The following ZNF469 variants were observed in gnomAD, a reference collection of about 807,000 sequenced individuals.
ZNF469 encodes zinc finger protein 469.
Under a neutral mutation model 1.0 loss-of-function variants are expected in ZNF469, and 1 was observed. The observed-to-expected ratio is 1.00, with a 90% confidence interval of 0.35 to 4.73. ZNF469 has a LOEUF of 4.73. Among genes scored for constraint, ZNF469 ranks in the 30% most tolerant of loss-of-function variants. ZNF469 has a pLI of 0.16. For missense variants in ZNF469, 6,100 were observed against 5,356.3 expected (o/e 1.14, Z -4.33); for synonymous variants, 2,703 against 2,363.4 (o/e 1.14, Z -4.17).
chr16:88,438,050 T>C lies in ZNF469; in HGVS notation c.10580T>C (p.Leu3527Pro), dbSNP rs995538579. Reference protein sequence around the residue: ...PSTTKGWPETLERPVDPVTHP... With the variant: ...PSTTKGWPETPERPVDPVTHP... Reference sequence around the variant, plus strand: ...ACCACCAAGGGATGGCCCGAGACCCTAGAGAGGCCTGTAGACCCCGTGACC... The same window carrying C: ...ACCACCAAGGGATGGCCCGAGACCCCAGAGAGGCCTGTAGACCCCGTGACC... The change falls in exon 3 of 3, where the codon CTA becomes CCA. Residue 3527 changes from leucine to proline, a missense_variant. Leu to Pro is a moderately conservative substitution (Grantham distance 98). Transcript: ENST00000565624. 11 of 1,550,224 alleles carry C rather than the reference T, an allele frequency of 7.1e-6. No homozygotes were observed. The Admixed American group carries it at 2.0e-4, about 28-fold the overall frequency.
the ZNF469 span, among the ~76,000 whole-genome samples, chr16:88,158,042 G>C: frequency 6.6e-6 from 1 of 152,072 alleles, no homozygotes; most frequent in Admixed American, 6.5e-5. Context: ...CTGCTGCGGG[G>C]ATGCTCCGGG....
chr16:88,374,761 A>C, the ZNF469 span, among the ~76,000 whole-genome samples: 2 of 108,882 alleles, frequency 1.8e-5, no homozygotes, highest in Admixed American at 8.2e-5. Flanking sequence ...GTGGGCTGAG[A>C]TCGGCGCCGT....
the ZNF469 span, among the ~76,000 whole-genome samples, chr16:88,170,803 T>C: frequency 3.9e-5 from 6 of 152,220 alleles, no homozygotes; most frequent in African/African-American, 1.4e-4. The surrounding 1 kb of genome is among the most constrained non-coding windows in gnomAD (Gnocchi z 4.2). Context: ...CAGGATCATA[T>C]GGTGGTTTTA....
chr16:88,159,893 G>T, the ZNF469 span, among the ~76,000 whole-genome samples: 4 of 152,282 alleles, frequency 2.6e-5, no homozygotes, highest in Admixed American at 2.6e-4. Context: ...GTCAGCACAG[G>T]CTCAGGGGAG....
At chr16:88,196,561 G>T in the ZNF469 span, among the ~76,000 whole-genome samples, 1 of 152,186 alleles carries the variant, frequency 6.6e-6, no homozygotes, top group African/African-American at 2.4e-5. Context: ...ACTCCATTGA[G>T]TTTGGTGGAG....
chr16:88,218,461 T>C, the ZNF469 span, among the ~76,000 whole-genome samples: 1 of 152,048 alleles, frequency 6.6e-6, no homozygotes, highest in African/African-American at 2.4e-5. Flanking sequence ...ATCCCATTTG[T>C]CAATTTTGTC....
At position 88,428,141 on chromosome 16, in the gene ZNF469, A is replaced by T; in HGVS notation, c.671A>T (p.Tyr224Phe). The T allele has an allele frequency of 1.3e-6, 2 of 1,549,974 alleles. No individual in the cohort carries two copies. Among genetic ancestry groups the T allele is most frequent in the South Asian group, 2.4e-5 (2 of 84,044 alleles). ...ACCAGCCCCCTCCAGCCCGGTTCCT[A>T]TCCCGAATACCAGGCCAGTGGGGCC... The part of the protein sequence containing the change: ...RGTSPLQPGS[Y>F]PEYQASGADS... Residue 224 changes from tyrosine (Y) to phenylalanine (F), a missense_variant, in exon 3 of 3, where the codon TAT becomes TTT. Tyr to Phe is a conservative substitution (Grantham distance 22). Transcript: ENST00000565624.
chr16:88,352,936 G>A, the ZNF469 span, among the ~76,000 whole-genome samples: 1 of 152,184 alleles, frequency 6.6e-6, no homozygotes, highest in Non-Finnish European at 1.5e-5. Context: ...GGAGGTGGGG[G>A]CAGAGAGCCA....
upstream of ZNF469, among the ~76,000 whole-genome samples, chr16:88,382,598 C>T (rs1363829869): frequency 6.6e-6 from 1 of 152,236 alleles, no homozygotes; most frequent in Non-Finnish European, 1.5e-5. Flanking sequence ...GGGACATCCC[C>T]CACCTCCTAG....
At chr16:88,145,358 G>A in the ZNF469 span, among the ~76,000 whole-genome samples, 1 of 152,240 alleles carries the variant, frequency 6.6e-6, no homozygotes, top group Non-Finnish European at 1.5e-5. Flanking sequence ...TGCTATCTCT[G>A]CTCCCCCCAC....
chr16:88,249,476 A>G, the ZNF469 span, among the ~76,000 whole-genome samples: 1 of 112,726 alleles, frequency 8.9e-6, no homozygotes, highest in Non-Finnish European at 1.6e-5. Flanking sequence ...TTGCTCTGTC[A>G]GCCAGGCTGG....
chr16:88,224,634 C>A, the ZNF469 span, among the ~76,000 whole-genome samples: 4 of 152,218 alleles, frequency 2.6e-5, no homozygotes, highest in Non-Finnish European at 5.9e-5. Context: ...GGCGTCTGGG[C>A]TGCACCTCAA....
At chr16:88,125,915 G>A in the ZNF469 span, among the ~76,000 whole-genome samples, 3 of 152,082 alleles carry the variant, frequency 2.0e-5, no homozygotes, top group Admixed American at 6.5e-5. Context: ...CCGGTTGGGC[G>A]CAGTGGCTCA....
At chr16:88,415,847 C>T (rs938966318) in intron 1 of ZNF469, among the ~76,000 whole-genome samples, 1 of 152,202 alleles carries the variant, frequency 6.6e-6, no homozygotes, top group Admixed American at 6.5e-5. Flanking sequence ...GCCTGGAAGG[C>T]CACACCCGGC....
rs990570386 is a variant in ZNF469, at chr16:88,424,472, C to G, written c.-191-335C>G. Among the ~76,000 whole-genome samples, 7 of 152,160 alleles carry G rather than the reference C, an allele frequency of 4.6e-5. No homozygotes were observed. Among genetic ancestry groups the G allele is most frequent in the African/African-American group, 1.7e-4 (7 of 41,420 alleles). On this transcript the variant is annotated intron_variant, in intron 1 of 2. Coordinates refer to ENST00000565624, the MANE Select transcript of ZNF469 (RefSeq NM_001367624.2). The surrounding 1 kb of genome is among the most constrained non-coding windows in gnomAD (Gnocchi z 4.3). ...GGGAGGGGCAGCGTTCTCACTGCAA[C>G]TCGTAATAATCTGGAGCTTCGGAGC...
chr16:88,312,438 CCT>C, the ZNF469 span, among the ~76,000 whole-genome samples: 5 of 152,148 alleles, frequency 3.3e-5, no homozygotes, highest in Non-Finnish European at 5.9e-5. Context: ...TCTTTAATCC[CCT>C]GTTTCTGATA....
the ZNF469 span, among the ~76,000 whole-genome samples, chr16:88,284,159 G>A: frequency 1.3e-5 from 2 of 151,874 alleles, no homozygotes; most frequent in Non-Finnish European, 2.9e-5. Context: ...GAGGTCTGCG[G>A]AGGCTGGTAG....
chr16:88,375,669 G>A, the ZNF469 span, among the ~76,000 whole-genome samples: 1 of 152,156 alleles, frequency 6.6e-6, no homozygotes, highest in East Asian at 1.9e-4. Context: ...AGTGTTCCTG[G>A]GTGCCGGGCG....
the ZNF469 span, among the ~76,000 whole-genome samples, chr16:88,135,197 CTG>C: frequency 6.6e-6 from 1 of 152,376 alleles, no homozygotes; most frequent in Non-Finnish European, 1.5e-5. Flanking sequence ...GGAATCGTCT[CTG>C]TAAATCTTCA....
Sources: allele counts gnomAD v4.1 joint callset (sites outside exome capture counted in the v4.1 genomes callset), GRCh38; gene constraint gnomAD v4.1.1; non-coding constraint Gnocchi (gnomAD v3.1); transcripts MANE v1.5; gene names NCBI Gene and HGNC (gene_info 2026-07-23, HGNC 2026-07-21).